The following MSN variants were observed in gnomAD, a reference collection of about 807,000 sequenced individuals.
MSN encodes the protein moesin.
MSN carries 2 observed loss-of-function variants against 48.0 expected under a neutral mutation model. That is an observed-to-expected ratio of 0.04 (90% CI 0.02 to 0.13). The LOEUF is 0.13. Among genes scored for constraint, MSN ranks in the 10% least tolerant of loss-of-function variants. The pLI is 1.00. For missense variants in MSN, 267 were observed against 470.1 expected (o/e 0.57, Z 3.99); for synonymous variants, 146 against 166.9 (o/e 0.87, Z 0.97).
chrX:65,713,009 A>G (rs999459913), intron 1 of MSN, among the ~76,000 whole-genome samples: 1 of 110,914 alleles, frequency 9.0e-6, no homozygotes, highest in Non-Finnish European at 1.9e-5. Flanking sequence ...CAATGTGGAG[A>G]TAATACTCTA....
chrX:65,629,201 C>A lies in MSN; in HGVS notation c.-22+40589C>A, dbSNP rs1342233980. On this transcript the variant is annotated intron_variant, in intron 1 of 3. Transcript: ENST00000609672. ...TTCAAAGTTCCACAAATCTCTAGGG[C>A]AGGGGCAAAATTCCACCAGTCTCTT... Among the ~76,000 whole-genome samples the A allele has an allele frequency of 2.7e-5, 3 of 111,680 alleles. No homozygotes were observed. The East Asian group carries it at 8.4e-4, about 31-fold the overall frequency.
intron 1 of MSN, among the ~76,000 whole-genome samples, chrX:65,649,605 T>TTG (rs200078172): frequency 3.0e-4 from 30 of 98,393 alleles, no homozygotes; most frequent in East Asian, 1.5e-3. Flanking sequence ...ATATATATAT[T>TTG]TGTGTGTGTG....
At chrX:65,617,102 G>A (rs1183424611) in intron 1 of MSN, among the ~76,000 whole-genome samples, 4 of 106,391 alleles carry the variant, frequency 3.8e-5, no homozygotes, top group Non-Finnish European at 5.7e-5. Flanking sequence ...TGCTGGATTC[G>A]GTTTGCCAGT....
intron 8 of MSN, 138 bp from the exon 9 acceptor site, chrX:65,736,657 C>T (rs1032466206): frequency 5.6e-5 from 36 of 639,242 alleles, no homozygotes; most frequent in Non-Finnish European, 7.4e-5. Flanking sequence ...AGGATGGTCT[C>T]GATCTCCTGA....
At chrX:65,641,787 A>G (rs764616862) in intron 1 of MSN, among the ~76,000 whole-genome samples, 1 of 106,408 alleles carries the variant, frequency 9.4e-6, no homozygotes, top group South Asian at 4.2e-4. Context: ...GCGTGTAGAA[A>G]TATATGCCTA....
chrX:65,593,876 T>A (rs1288006993), intron 1 of MSN, among the ~76,000 whole-genome samples: 1 of 112,575 alleles, frequency 8.9e-6, no homozygotes, highest in Non-Finnish European at 1.9e-5. Flanking sequence ...AAGCAGTTTG[T>A]TATCTTCATT....
At chrX:65,589,656 C>A (rs1421429933) in intron 1 of MSN, 1 of 112,178 alleles carries the variant, frequency 8.9e-6, no homozygotes, top group Non-Finnish European at 1.9e-5. Flanking sequence ...TAGATCCCAG[C>A]CAGCCTAGAA....
chrX:65,629,466 G>A (rs1324539108), intron 1 of MSN, among the ~76,000 whole-genome samples: 1 of 111,776 alleles, frequency 8.9e-6, no homozygotes, highest in African/African-American at 3.3e-5. Context: ...CACATTTTTG[G>A]GTATCTTTTC....
At chrX:65,599,619 C>T (rs760341983) in intron 1 of MSN, among the ~76,000 whole-genome samples, 2 of 112,306 alleles carry the variant, frequency 1.8e-5, no homozygotes, top group Admixed American at 9.4e-5. Context: ...GGTGACAGAG[C>T]GAGACTCCAT....
intron 1 of MSN, among the ~76,000 whole-genome samples, chrX:65,643,406 G>A (rs775148489): frequency 2.7e-5 from 3 of 110,471 alleles, no homozygotes; most frequent in East Asian, 5.7e-4. Flanking sequence ...AAGAGTGGGA[G>A]GAGACGTTTG....
chrX:65,713,932 A>G (rs192441903), intron 1 of MSN, among the ~76,000 whole-genome samples: 6 of 111,319 alleles, frequency 5.4e-5, no homozygotes, highest in Admixed American at 4.8e-4. Context: ...GGTGTGCACC[A>G]CCTTGCCTGG....
intron 1 of MSN, among the ~76,000 whole-genome samples, chrX:65,644,998 G>T (rs188828710): frequency 8.9e-6 from 1 of 112,580 alleles, no homozygotes; most frequent in East Asian, 2.8e-4. Context: ...CCCAATCTCA[G>T]AACAGAGCTA....
intron 1 of MSN, among the ~76,000 whole-genome samples, chrX:65,614,864 C>T (rs1462246427): frequency 4.8e-5 from 3 of 62,372 alleles, no homozygotes; most frequent in Non-Finnish European, 8.4e-5. Flanking sequence ...CTCCCCCCAC[C>T]CCACAACAGT....
intron 1 of MSN, among the ~76,000 whole-genome samples, chrX:65,594,425 G>A (rs1346919639): frequency 9.0e-6 from 1 of 110,765 alleles, no homozygotes; most frequent in African/African-American, 3.3e-5. Context: ...GGATGGTGGT[G>A]GGATGAAGTG....
chrX:65,703,879 G>A (rs749901111), intron 1 of MSN, among the ~76,000 whole-genome samples: 1 of 112,168 alleles, frequency 8.9e-6, no homozygotes, highest in South Asian at 3.7e-4. Flanking sequence ...GCTGGAAACA[G>A]AGCTTTTTGA....
intron 1 of MSN, among the ~76,000 whole-genome samples, chrX:65,684,544 T>G (rs1389747567): frequency 9.1e-6 from 1 of 110,473 alleles, no homozygotes; most frequent in Non-Finnish European, 1.9e-5. Flanking sequence ...GTTCAAGCTA[T>G]TCTCCTGCCT....
upstream of MSN, among the ~76,000 whole-genome samples, chrX:65,666,316 T>C (rs1160610170): frequency 2.8e-5 from 3 of 107,427 alleles, no homozygotes; most frequent in African/African-American, 1.0e-4. Flanking sequence ...CTGCACATGG[T>C]CTCACTTACT....
intron 1 of MSN, 106 bp downstream of exon 1, chrX:65,667,959 C>T: frequency 1.1e-6 from 1 of 895,535 alleles, no homozygotes; most frequent in South Asian, 2.3e-5. Flanking sequence ...GCCTGGGACG[C>T]CGCGCCCTCC....
At chrX:65,711,913 C>A (rs1433828232) in intron 1 of MSN, among the ~76,000 whole-genome samples, 3 of 111,526 alleles carry the variant, frequency 2.7e-5, no homozygotes. Context: ...ATCTTGAGTA[C>A]TGGAAAGGTA....
Sources: gnomAD v4.1 joint callset for allele counts (sites outside exome capture counted in the v4.1 genomes callset) on GRCh38, gnomAD v4.1.1 for gene constraint, MANE v1.5 for transcripts, NCBI Gene and HGNC (gene_info 2026-07-23, HGNC 2026-07-21) for gene names.